Variants in SLC26A8 observed in about 807,000 individuals in gnomAD.
SLC26A8 encodes the protein solute carrier family 26 member 8.
A neutral mutation model predicts 105.0 loss-of-function variants in SLC26A8; 70 were observed. That is an observed-to-expected ratio of 0.67 (90% CI 0.55 to 0.81). SLC26A8 has a LOEUF of 0.81. SLC26A8 is among the 40% of genes least tolerant of loss of function. The pLI, the probability that SLC26A8 is intolerant of heterozygous loss-of-function variation, is 0.00. For missense variants in SLC26A8, 998 were observed against 1,181.8 expected (o/e 0.84, Z 2.28); for synonymous variants, 415 against 438.3 (o/e 0.95, Z 0.66).
intron 7 of SLC26A8, among the ~76,000 whole-genome samples, chr6:35,985,496 C>T (rs1773467524): frequency 6.6e-6 from 1 of 151,784 alleles, no homozygotes; most frequent in African/African-American, 2.4e-5. Flanking sequence ...AGATCGAGAC[C>T]ATCCTGGCCA....
chr6:35,999,879 C>A (rs141256307), intron 4 of SLC26A8, 113 bp downstream of exon 4: 3 of 689,968 alleles, frequency 4.3e-6, no homozygotes, highest in Non-Finnish European at 7.6e-6. Context: ...GAATGTCCAC[C>A]TCCTGCCTCC....
chr6:35,973,199 A>G (rs74677573), intron 10 of SLC26A8, among the ~76,000 whole-genome samples: 5,965 of 152,316 alleles, frequency 0.039, 137 homozygotes, highest in Middle Eastern at 0.088. Flanking sequence ...ATAAAAAGTT[A>G]GTGGAACTAA....
At chr6:35,984,316 C>CT (rs1337564434) in intron 7 of SLC26A8, among the ~76,000 whole-genome samples, 6 of 95,978 alleles carry the variant, frequency 6.3e-5, no homozygotes, top group East Asian at 3.9e-4. Context: ...TCTTCTTCTT[C>CT]TTATTTTTTT....
intron 11 of SLC26A8, among the ~76,000 whole-genome samples, chr6:35,964,486 C>A (rs918530482): frequency 3.5e-4 from 53 of 151,980 alleles, no homozygotes; most frequent in African/African-American, 1.2e-3. Flanking sequence ...GTCTCTACTA[C>A]AAATACAAAA....
intron 5 of SLC26A8, among the ~76,000 whole-genome samples, chr6:35,996,822 G>A (rs1483912746): frequency 6.6e-6 from 1 of 152,112 alleles, no homozygotes; most frequent in African/African-American, 2.4e-5. Flanking sequence ...ATCACCCGAG[G>A]TCAGGAGTTC....
intron 16 of SLC26A8, among the ~76,000 whole-genome samples, chr6:35,958,053 C>T (rs374657266): frequency 2.0e-4 from 30 of 152,290 alleles, no homozygotes; most frequent in African/African-American, 6.5e-4. Flanking sequence ...GTGTCTTTGT[C>T]GAAGCCTGTC....
rs945405897 is a variant in SLC26A8, at chr6:36,010,463, G to T, written c.328+1770C>A. Reference sequence around the variant, plus strand: ...GTATGTGGCTTAAAAAGCATGGCATGAGAGAGTTCTGGAGGTGATGGAACT... The same window carrying T: ...GTATGTGGCTTAAAAAGCATGGCATTAGAGAGTTCTGGAGGTGATGGAACT... On this transcript the variant is annotated intron_variant, in intron 3 of 19. Coordinates refer to ENST00000490799, the MANE Select transcript of SLC26A8 (RefSeq NM_052961.4). 3.9e-5 allele frequency among the ~76,000 whole-genome samples: 6 copies of T among 152,062 alleles called. No homozygotes were observed. The East Asian group carries it at 1.2e-3, about 29-fold the overall frequency.
At chr6:35,958,026 C>T (rs1052113779) in intron 16 of SLC26A8, among the ~76,000 whole-genome samples, 1 of 152,180 alleles carries the variant, frequency 6.6e-6, no homozygotes, top group Non-Finnish European at 1.5e-5. Context: ...AAGAGCCCCA[C>T]GTTTATTTCT....
At chr6:36,006,342 C>T (rs1310418151) in intron 3 of SLC26A8, among the ~76,000 whole-genome samples, 1 of 152,112 alleles carries the variant, frequency 6.6e-6, no homozygotes, top group Non-Finnish European at 1.5e-5. Context: ...CTGGTCTCGA[C>T]CTCCTGACCT....
At chr6:36,014,038 G>A (rs1761932682) in intron 2 of SLC26A8, among the ~76,000 whole-genome samples, 1 of 152,166 alleles carries the variant, frequency 6.6e-6, no homozygotes, top group Non-Finnish European at 1.5e-5. Context: ...AATGCTGCTC[G>A]GCAGCCATGA....
intron 2 of SLC26A8, among the ~76,000 whole-genome samples, chr6:36,013,665 A>C (rs765868058): frequency 4.6e-5 from 7 of 152,156 alleles, no homozygotes; most frequent in Non-Finnish European, 8.8e-5. Flanking sequence ...CAACCAAGAA[A>C]ACCAATTTGG....
chr6:35,973,474 T>C (rs1305167529), intron 10 of SLC26A8, among the ~76,000 whole-genome samples: 1 of 152,182 alleles, frequency 6.6e-6, no homozygotes, highest in Non-Finnish European at 1.5e-5. Flanking sequence ...CGGGGCCACA[T>C]GTGGCCCAGG....
At chr6:36,009,523 T>G (rs1761790441) in intron 3 of SLC26A8, among the ~76,000 whole-genome samples, 1 of 152,116 alleles carries the variant, frequency 6.6e-6, no homozygotes, top group African/African-American at 2.4e-5. Flanking sequence ...AATAAAAAGT[T>G]ATAAACAATT....
At chr6:36,021,890 T>G (rs1025925411) in intron 1 of SLC26A8, among the ~76,000 whole-genome samples, 47 of 152,246 alleles carry the variant, frequency 3.1e-4, no homozygotes, top group African/African-American at 1.1e-3. Context: ...AGGATGGTCT[T>G]GATCTCCTGA....
chr6:35,947,177 C>T (rs950891776), intron 19 of SLC26A8, among the ~76,000 whole-genome samples: 8 of 152,066 alleles, frequency 5.3e-5, no homozygotes, highest in South Asian at 4.1e-4. Context: ...TATAGGCACG[C>T]GCCAGCATGC....
rs565898702 is a variant in SLC26A8 at position 35,961,099 on chromosome 6, C to G, written c.1462G>C (p.Ala488Pro). ...GATGAGAATGTCATCATCCAAAGAGCCTTATGGAAAAGGGAATGAGGGGAA... is the reference window on the plus strand; with the variant it reads ...GATGAGAATGTCATCATCCAAAGAGGCTTATGGAAAAGGGAATGAGGGGAA... ...SLWRQDQYDC[A>P]LWMMTFSSSI... Residue 488 changes from alanine (A) to proline (P), a missense_variant and splice_region_variant, in exon 13 of 20, where the codon GCT (alanine) becomes CCT (proline). Physicochemically the swap from Ala to Pro is conservative, Grantham distance 27. Coordinates refer to ENST00000490799, the MANE Select transcript of SLC26A8 (RefSeq NM_052961.4). 6 of 1,611,812 alleles carry G rather than the reference C, an allele frequency of 3.7e-6. No individual in the cohort carries two copies. Among genetic ancestry groups the G allele is most frequent in the African/African-American group, 2.7e-5 (2 of 74,982 alleles).
At position 35,961,014 on chromosome 6, in the gene SLC26A8, A is replaced by C. The variant is rs753660355; in HGVS notation, c.1547T>G (p.Ile516Ser). The change falls in exon 13 of 20, where the codon ATC (isoleucine) becomes AGC (serine). Residue 516 changes from isoleucine (I) to serine (S), a missense_variant. Ile to Ser is a moderately radical substitution (Grantham distance 142). Coordinates refer to ENST00000490799, the MANE Select transcript of SLC26A8 (RefSeq NM_052961.4). ...LIISVVSAFF[I>S]TTVRSHRAKI... Reference sequence around the variant, plus strand: ...GTACCTGTGTGAACGAACAGTGGTGATGAAGAAAGCAGAAACTACTGAGAT... The same window carrying C: ...GTACCTGTGTGAACGAACAGTGGTGCTGAAGAAAGCAGAAACTACTGAGAT... 6.2e-7 allele frequency: 1 copy of C among 1,614,166 alleles called. No homozygotes were observed. The highest frequency in any genetic ancestry group is 2.2e-5 in the East Asian group (1 of 44,890).
chr6:35,951,242 C>T lies in SLC26A8; in HGVS notation c.2393G>A (p.Arg798Lys). 6.2e-7 allele frequency: 1 copy of T among 1,614,132 alleles called. No homozygotes were observed. The highest frequency in any genetic ancestry group is 8.5e-7 in the Non-Finnish European group (1 of 1,180,028). ...VHDAVLFALS[R>K]KVIGSSELSI... Reference sequence around the variant, plus strand: ...TAACTCAGAGGAGCCTATGACCTTCCTTGACAAGGCAAACAGCACGGCGTC... The same window carrying T: ...TAACTCAGAGGAGCCTATGACCTTCTTTGACAAGGCAAACAGCACGGCGTC... Residue 798 changes from arginine (R) to lysine (K), a missense_variant, in exon 19 of 20, where the codon AGG becomes AAG. By Grantham distance (26) the Arg-to-Lys change is conservative (BLOSUM62 2). Coordinates refer to ENST00000490799, the MANE Select transcript of SLC26A8 (RefSeq NM_052961.4).
intron 5 of SLC26A8, among the ~76,000 whole-genome samples, chr6:35,993,570 G>A (rs1423422688): frequency 6.6e-6 from 1 of 152,028 alleles, no homozygotes; most frequent in Non-Finnish European, 1.5e-5. Flanking sequence ...TAAAATTTAT[G>A]TTATATAGTA....
Sources: allele counts gnomAD v4.1 joint callset (sites outside exome capture counted in the v4.1 genomes callset), GRCh38; gene constraint gnomAD v4.1.1; transcripts MANE v1.5; gene names NCBI Gene and HGNC (gene_info 2026-07-23, HGNC 2026-07-21).